Variants in PHF20 observed in about 807,000 individuals in gnomAD.
The protein encoded by PHF20 is glioma-expressed antigen 2.
PHF20 carries 23 observed loss-of-function variants against 113.5 expected under a neutral mutation model. The ratio of observed to expected loss-of-function variants is 0.20; its 90% CI spans 0.15 to 0.29. PHF20 has a LOEUF of 0.29. Among genes scored for constraint, PHF20 ranks in the 10% least tolerant of loss-of-function variants. PHF20 has a pLI of 1.00. For synonymous variants in PHF20, 434 were observed against 457.3 expected (o/e 0.95, Z 0.65); for missense variants, 943 against 1,219.6 (o/e 0.77, Z 3.38).
chr20:35,871,698 C>A lies in PHF20; in HGVS notation c.1151C>A (p.Thr384Asn). 6.2e-7 allele frequency: 1 copy of A among 1,613,748 alleles called. No individual in the cohort carries two copies. Among genetic ancestry groups the A allele is most frequent in the East Asian group, 2.2e-5 (1 of 44,890 alleles). ...LEAGQVSSAL[T>N]CHSFGDGSGA... ...GCTGGCCAGGTCTCATCTGCACTGA[C>A]TTGCCACTCCTTTGGGGATGGATCC... The change falls in exon 9 of 18, where the codon ACT (threonine) becomes AAT (asparagine). Residue 384 changes from threonine (T) to asparagine (N), a missense_variant. By Grantham distance (65) the Thr-to-Asn change is moderately conservative (BLOSUM62 0). Around this residue, in one of 3 missense-constraint regions of PHF20, gnomAD observed 592 missense variants for 787.2 expected, o/e 0.75. Transcript: ENST00000374012.
At chr20:35,877,106 CAAAAAAAAAAAAA>C (rs760494622) in intron 9 of PHF20, among the ~76,000 whole-genome samples, 2 of 32,360 alleles carry the variant, frequency 6.2e-5, no homozygotes, top group African/African-American at 2.0e-4. Flanking sequence ...GACTCTGTCT[CAAAAAAAAAAAAA>C]AAAAAAAAAA....
At chr20:35,843,566 T>C (rs930873255) in intron 3 of PHF20, among the ~76,000 whole-genome samples, 1 of 151,104 alleles carries the variant, frequency 6.6e-6, no homozygotes, top group Non-Finnish European at 1.5e-5. Context: ...TGTAGAACGT[T>C]GTACTAAGTC....
chr20:35,881,513 C>G (rs1474717896), intron 9 of PHF20, among the ~76,000 whole-genome samples: 2 of 148,046 alleles, frequency 1.4e-5, no homozygotes, highest in Non-Finnish European at 3.0e-5. Context: ...TGCACTCCAG[C>G]CTGGGCGACA....
intron 9 of PHF20, among the ~76,000 whole-genome samples, chr20:35,896,883 G>A (rs1170181178): frequency 6.7e-6 from 1 of 148,970 alleles, no homozygotes; most frequent in African/African-American, 2.5e-5. Flanking sequence ...CTGCTTATTT[G>A]TCTTTTAGGG....
At chr20:35,914,252 G>T in intron 12 of PHF20, 55 bp downstream of exon 12, 1 of 1,545,806 alleles carries the variant, frequency 6.5e-7, no homozygotes, top group Non-Finnish European at 8.9e-7. Context: ...GAAAATACAA[G>T]CATACCTGGG....
chr20:35,802,600 G>A (rs2041800572), intron 2 of PHF20, among the ~76,000 whole-genome samples: 1 of 152,114 alleles, frequency 6.6e-6, no homozygotes, highest in Non-Finnish European at 1.5e-5. Flanking sequence ...GGAGAAGAGA[G>A]GCATAGAAGC....
intron 10 of PHF20, among the ~76,000 whole-genome samples, chr20:35,905,648 TATAACATAA>T (rs1415806825): frequency 6.6e-6 from 1 of 152,256 alleles, no homozygotes; most frequent in Non-Finnish European, 1.5e-5. Flanking sequence ...TTAAGCCACA[TATAACATAA>T]TGTTTTGTTA....
chr20:35,865,697 C>G (rs2054308510), intron 6 of PHF20, among the ~76,000 whole-genome samples: 1 of 151,782 alleles, frequency 6.6e-6, no homozygotes, highest in South Asian at 2.1e-4. Context: ...CAGGGTTTCA[C>G]TATGTTGCCC....
chr20:35,785,794 G>A lies in PHF20; in HGVS notation c.-33+13715G>A, dbSNP rs180848501. ...TCTGTAAGAATAGGCCGGGTGTGGT[G>A]GCTCACGCTTGTAATCCCAGCACTT... is the stretch of plus-strand genomic sequence containing the variant. On this transcript the variant is annotated intron_variant, in intron 1 of 17. Transcript: ENST00000374012. Among the ~76,000 whole-genome samples, 894 of 151,860 alleles carry A rather than the reference G, an allele frequency of 5.9e-3. 3 individuals are homozygous for A. The highest frequency in any genetic ancestry group is 7.2e-3 in the Non-Finnish European group (487 of 67,946).
chr20:35,931,248 G>T lies in PHF20; in HGVS notation c.2105-1G>T. Reference sequence around the variant, plus strand: ...TAACCCTCTTGTTGTCACTGCTGTAGGTCAGAGGCCTGGCTTCAAGTACTG... The same window carrying T: ...TAACCCTCTTGTTGTCACTGCTGTATGTCAGAGGCCTGGCTTCAAGTACTG... On this transcript the variant is annotated splice_acceptor_variant, in intron 14 of 17. Coordinates refer to ENST00000374012, the MANE Select transcript of PHF20 (RefSeq NM_016436.5). LOFTEE classifies it high-confidence loss of function. 1 of 1,608,424 alleles carries T rather than the reference G, an allele frequency of 6.2e-7. No individual in the cohort carries two copies.
intron 9 of PHF20, among the ~76,000 whole-genome samples, chr20:35,880,074 G>A (rs185985363): frequency 2.0e-5 from 3 of 152,330 alleles, no homozygotes; most frequent in Admixed American, 2.0e-4. Context: ...TTTACCATAT[G>A]CCTAGGACTG....
Position 35,938,780 on chromosome 20 carries a change from T to A in PHF20, c.2384T>A (p.Ile795Asn). The A allele has an allele frequency of 6.2e-7, 1 of 1,614,052 alleles. No individual in the cohort carries two copies. The change falls in exon 16 of 18, where the codon ATC becomes AAC. Residue 795 changes from isoleucine (I) to asparagine (N), a missense_variant. By Grantham distance (149) the Ile-to-Asn change is moderately radical. Coordinates refer to ENST00000374012, the MANE Select transcript of PHF20 (RefSeq NM_016436.5). ...GAGGGGAGATCTCATTTCAGAAACATCCCTGTCACTGACACCAGGAGCAAG... is the reference window on the plus strand; with the variant it reads ...GAGGGGAGATCTCATTTCAGAAACAACCCTGTCACTGACACCAGGAGCAAG... ...SGEGRSHFRNIPVTDTRSKEE... is the reference protein window; with the variant it reads ...SGEGRSHFRNNPVTDTRSKEE...
intron 12 of PHF20, among the ~76,000 whole-genome samples, chr20:35,915,443 G>A (rs2055387000): frequency 6.6e-6 from 1 of 151,924 alleles, no homozygotes; most frequent in Non-Finnish European, 1.5e-5. Context: ...CTGGAGTGCA[G>A]TGGCGCGATC....
intron 10 of PHF20, among the ~76,000 whole-genome samples, chr20:35,902,146 G>A (rs988102017): frequency 1.3e-5 from 2 of 152,150 alleles, no homozygotes; most frequent in Non-Finnish European, 2.9e-5. Context: ...TCTGAGTGCT[G>A]TTGGGGAGGA....
At chr20:35,822,146 G>A (rs994234321) in intron 2 of PHF20, among the ~76,000 whole-genome samples, 6 of 152,228 alleles carry the variant, frequency 3.9e-5, no homozygotes, top group Non-Finnish European at 8.8e-5. Context: ...GCTCACGCCT[G>A]TAATCCCAGG....
At position 35,791,561 on chromosome 20, in the gene PHF20, ATCTT is replaced by A. The variant is rs201681774; in HGVS notation, c.-32-9929_-32-9926del. ...TGTATATATATATATATATATATAT[ATCTT>A]AGAATTGTGTGTATATATGTATCTT... is the stretch of plus-strand genomic sequence containing the variant. On this transcript the variant is annotated intron_variant, in intron 1 of 17. Transcript: ENST00000374012. 7.7e-3 allele frequency among the ~76,000 whole-genome samples: 1,108 copies of A among 144,462 alleles called. 10 individuals carry two copies. The highest frequency in any genetic ancestry group is 0.013 in the Non-Finnish European group (844 of 66,624). 94.8% of individuals were successfully genotyped at this position (144,462 alleles called of 152,430 possible).
At chr20:35,787,059 A>G (rs762878712) in intron 1 of PHF20, among the ~76,000 whole-genome samples, 1 of 148,836 alleles carries the variant, frequency 6.7e-6, no homozygotes, top group Non-Finnish European at 1.5e-5. Context: ...TGGTGCAATC[A>G]TAGTTCACTG....
intron 10 of PHF20, among the ~76,000 whole-genome samples, chr20:35,903,625 C>G (rs2055145149): frequency 6.6e-6 from 1 of 152,164 alleles, no homozygotes; most frequent in African/African-American, 2.4e-5. Flanking sequence ...TCTCCCATGC[C>G]TCATTGCTGA....
In PHF20 at chr20:35,944,912, G is replaced by GT. The variant is rs1381457382; in HGVS notation, c.2897-2565dup. Among the ~76,000 whole-genome samples, 9 of 152,096 alleles carry GT rather than the reference G, an allele frequency of 5.9e-5. No homozygotes were observed. The South Asian group carries it at 1.2e-3, about 21-fold the overall frequency. On this transcript the variant is annotated intron_variant, in intron 17 of 17. Transcript: ENST00000374012. ...CTGAACAGTCCCCTGTCTCCTTCTA[G>GT]TTTTTTTTAAAGACTTACTGGTGTT... is the stretch of plus-strand genomic sequence containing the variant.
Sources: allele counts gnomAD v4.1 joint callset (sites outside exome capture counted in the v4.1 genomes callset), GRCh38; gene constraint gnomAD v4.1.1; regional missense constraint gnomAD v4.1.1; transcripts MANE v1.5; gene names NCBI Gene and HGNC (gene_info 2026-07-23, HGNC 2026-07-21).